NFIB: variants seen among roughly 807,000 people sequenced by gnomAD.
NFIB encodes the protein nuclear factor 1 B-type.
In NFIB, 11 loss-of-function variants were observed where a neutral mutation model predicts 61.5. The observed-to-expected ratio is 0.18, with a 90% CI of 0.11 to 0.30. The LOEUF (loss-of-function observed/expected upper bound fraction) is 0.30. Among genes scored for constraint, NFIB ranks in the 10% least tolerant of loss-of-function variants. The probability of loss-of-function intolerance (pLI) is 1.00; values close to 1 mark genes in which losing one functional copy is unlikely to be tolerated. For missense variants in NFIB, 471 were observed against 608.9 expected, an observed-to-expected ratio of 0.77 and a Z score of 2.38; for synonymous variants, 260 against 216.5, an observed-to-expected ratio of 1.20 and a Z score of -1.76.
At chr9:14,495,122 C>T in the NFIB span, among the ~76,000 whole-genome samples, 1 of 152,154 alleles carries the variant, frequency 6.6e-6, no homozygotes, top group Non-Finnish European at 1.5e-5. Context: ...CTACTTGTTC[C>T]TTTCTCTATT....
At chr9:14,212,561 T>G (rs2050422427) in intron 2 of NFIB, among the ~76,000 whole-genome samples, 1 of 152,156 alleles carries the variant, frequency 6.6e-6, no homozygotes, top group South Asian at 2.1e-4. Flanking sequence ...TTGTCCATAT[T>G]GTTTGAATGG....
At chr9:14,323,651 T>A (rs1193097234) in intron 1 of NFIB, among the ~76,000 whole-genome samples, 10 of 152,222 alleles carry the variant, frequency 6.6e-5, no homozygotes, top group African/African-American at 2.4e-4. Context: ...GAGACTAGAA[T>A]AGCTCCCGAT....
At chr9:14,163,094 T>C (rs1457393351) in intron 3 of NFIB, among the ~76,000 whole-genome samples, 1 of 152,026 alleles carries the variant, frequency 6.6e-6, no homozygotes, top group Non-Finnish European at 1.5e-5. Context: ...TCATACTACC[T>C]ATGAGTAGAT....
the NFIB span, among the ~76,000 whole-genome samples, chr9:14,530,564 C>T: frequency 7.2e-5 from 11 of 152,128 alleles, no homozygotes; most frequent in Non-Finnish European, 1.6e-4. Context: ...CAGAGAAGGA[C>T]TCAGCTTCCA....
chr9:14,234,476 T>C (rs1179572209), intron 2 of NFIB, among the ~76,000 whole-genome samples: 3 of 151,620 alleles, frequency 2.0e-5, no homozygotes, highest in African/African-American at 7.3e-5. Context: ...TTCAAGCAAC[T>C]CTCCTTCCTT....
chr9:14,191,253 T>C (rs749678722), intron 2 of NFIB, among the ~76,000 whole-genome samples: 2 of 151,966 alleles, frequency 1.3e-5, no homozygotes, highest in South Asian at 2.1e-4. Flanking sequence ...ATCTGAGCCC[T>C]GGAGGTTGAG....
rs149097809 is a variant in NFIB, at chr9:14,083,918, C to T, written c.*4391G>A. Reference sequence around the variant, plus strand: ...TGAAACTTAACCTTAAATACCATCACGTAACAATCACAAAAACTTTTGCTA... The same window carrying T: ...TGAAACTTAACCTTAAATACCATCATGTAACAATCACAAAAACTTTTGCTA... On this transcript the variant is annotated 3_prime_UTR_variant, in exon 11 of 11. Transcript: ENST00000380953. The T allele has an allele frequency of 5.4e-5, 12 of 221,932 alleles. No homozygotes were observed. Among genetic ancestry groups the T allele is most frequent in the African/African-American group, 1.8e-4 (8 of 44,598 alleles). 13.7% of individuals were successfully genotyped at this position (221,932 alleles called of 1,614,324 possible).
chr9:14,227,141 CAA>C (rs747407066), intron 2 of NFIB, among the ~76,000 whole-genome samples: 21 of 85,102 alleles, frequency 2.5e-4, no homozygotes, highest in Non-Finnish European at 2.8e-4. Flanking sequence ...AACTCCGTGT[CAA>C]AAAAAAAAAA....
At chr9:14,175,214 G>GGAT (rs35189108) in intron 3 of NFIB, among the ~76,000 whole-genome samples, 7,576 of 116,158 alleles carry the variant, frequency 0.065, 654 homozygotes, top group African/African-American at 0.21. Context: ...CTGTTGTCCA[G>GGAT]GATGGCTGGA....
At chr9:14,522,713 C>T in the NFIB span, among the ~76,000 whole-genome samples, 1 of 152,204 alleles carries the variant, frequency 6.6e-6, no homozygotes, top group Non-Finnish European at 1.5e-5. Flanking sequence ...TATTCTTCCA[C>T]CTTTATTGTT....
intron 1 of NFIB, among the ~76,000 whole-genome samples, chr9:14,310,023 T>A (rs149703679): frequency 9.2e-5 from 14 of 152,328 alleles, no homozygotes; most frequent in African/African-American, 3.1e-4. Flanking sequence ...TTCAGTGACA[T>A]TTCATTTTCT....
At chr9:14,489,405 G>A in the NFIB span, among the ~76,000 whole-genome samples, 52 of 152,228 alleles carry the variant, frequency 3.4e-4, 1 homozygote, top group African/African-American at 1.1e-3. Flanking sequence ...TTATCTTATG[G>A]CTATTTGTGT....
At chr9:14,346,706 G>A (rs565678219) in intron 1 of NFIB, among the ~76,000 whole-genome samples, 1 of 152,224 alleles carries the variant, frequency 6.6e-6, no homozygotes, top group East Asian at 1.9e-4. Flanking sequence ...AAACATAATA[G>A]GCCACAAATT....
intron 3 of NFIB, among the ~76,000 whole-genome samples, chr9:14,165,105 C>T (rs1158829315): frequency 6.6e-6 from 1 of 152,142 alleles, no homozygotes; most frequent in Admixed American, 6.6e-5. Context: ...AATCCTAGAA[C>T]ATACTAGAAA....
chr9:14,248,760 G>A (rs1464685317), intron 2 of NFIB, among the ~76,000 whole-genome samples: 1 of 152,168 alleles, frequency 6.6e-6, no homozygotes, highest in Non-Finnish European at 1.5e-5. Context: ...GTAGTCCAAG[G>A]AGATCCAGCC....
At chr9:14,388,322 C>T (rs2061573898) in intron 1 of NFIB, among the ~76,000 whole-genome samples, 1 of 119,932 alleles carries the variant, frequency 8.3e-6, no homozygotes, top group South Asian at 2.8e-4. Flanking sequence ...CTGCAGTCAG[C>T]TGTGATGACG....
At position 14,213,954 on chromosome 9, in the gene NFIB, G is replaced by C. The variant is rs181141786; in HGVS notation, c.563-34174C>G. Among the ~76,000 whole-genome samples the C allele has an allele frequency of 4.3e-3, 653 of 152,192 alleles. 7 individuals are homozygous for C. The highest frequency in any genetic ancestry group is 0.015 in the African/African-American group (627 of 41,522). ...ACTCCCACTGCTCCAAATTTAAGGG[G>C]GGAAGAGTCCCCTCATTTCACCTCA... On this transcript the variant is annotated intron_variant, in intron 2 of 10. Transcript: ENST00000380953.
the NFIB span, among the ~76,000 whole-genome samples, chr9:14,409,761 T>C: frequency 6.6e-6 from 1 of 152,146 alleles, no homozygotes; most frequent in Non-Finnish European, 1.5e-5. Context: ...AGAACTTATA[T>C]CTCAAGAAAC....
chr9:14,123,544 A>T (rs1377991891), intron 7 of NFIB, among the ~76,000 whole-genome samples: 1 of 152,172 alleles, frequency 6.6e-6, no homozygotes, highest in Admixed American at 6.5e-5. Context: ...TTCAGTACAC[A>T]CAACCTCAGG....
Sources: gnomAD v4.1 joint callset for allele counts (sites outside exome capture counted in the v4.1 genomes callset) on GRCh38, gnomAD v4.1.1 for gene constraint, MANE v1.5 for transcripts, NCBI Gene and HGNC (gene_info 2026-07-23, HGNC 2026-07-21) for gene names.